The following ZNF654 variants were observed in gnomAD, a reference collection of about 807,000 sequenced individuals.
ZNF654 encodes zinc finger protein 654.
ZNF654 carries 19 observed loss-of-function variants against 95.3 expected under a neutral mutation model. That is an observed-to-expected ratio of 0.20 (90% CI 0.14 to 0.29). The LOEUF (loss-of-function observed/expected upper bound fraction) is 0.29, where lower values mean the gene tolerates loss of function less well. Ranked by LOEUF, ZNF654 falls within the 10% of genes least tolerant of loss-of-function variation. ZNF654 has a pLI of 1.00. For synonymous variants in ZNF654, 413 were observed against 457.9 expected (o/e 0.90, Z 1.25); for missense variants, 1,046 against 1,341.0 (o/e 0.78, Z 3.44).
rs1410433464 is a variant in ZNF654 at position 88,139,679 on chromosome 3, AGAT to A, written c.2012_2014del (p.Asp671del). The A allele has an allele frequency of 1.2e-6, 2 of 1,602,272 alleles. No individual in the cohort carries two copies. Among genetic ancestry groups the A allele is most frequent in the African/African-American group, 2.7e-5 (2 of 74,766 alleles). Reference sequence around the variant, plus strand: ...TTGAAATTCCCATAAGTGTACCAGAAGATGTTATTGAAAATGTTATTGAAAATG... The same window carrying A: ...TTGAAATTCCCATAAGTGTACCAGAAGTTATTGAAAATGTTATTGAAAATG... On this transcript the variant is annotated inframe_deletion, in exon 8 of 9. Transcript: ENST00000636215.
chr3:88,099,862 A>G (rs1338923468), intron 2 of ZNF654, among the ~76,000 whole-genome samples: 1 of 152,378 alleles, frequency 6.6e-6, no homozygotes, highest in East Asian at 1.9e-4. Context: ...ACCTAAAACC[A>G]TAAAAACCCT....
chr3:88,104,382 T>C (rs756736141), intron 2 of ZNF654, among the ~76,000 whole-genome samples: 8 of 152,230 alleles, frequency 5.3e-5, no homozygotes, highest in Non-Finnish European at 1.0e-4. Flanking sequence ...GTAGTGTCTC[T>C]GTAACTACTC....
intron 2 of ZNF654, among the ~76,000 whole-genome samples, chr3:88,107,852 A>G (rs1264895296): frequency 6.6e-6 from 1 of 152,126 alleles, no homozygotes; most frequent in Non-Finnish European, 1.5e-5. Flanking sequence ...TTTCAATGTC[A>G]TCATTTCTTA....
At chr3:88,138,104 A>AT (rs1706908754) in intron 7 of ZNF654, among the ~76,000 whole-genome samples, 1 of 152,148 alleles carries the variant, frequency 6.6e-6, no homozygotes, top group Admixed American at 6.6e-5. Flanking sequence ...CAGGGGGCTC[A>AT]TTATTCTGAG....
Position 88,059,337 on chromosome 3 carries a change from C to T in ZNF654, c.18C>T (p.Ser6=), listed in dbSNP as rs1706698384. Residue 6 remains serine, a synonymous_variant, in exon 1 of 9, where the codon AGC becomes AGT. Coordinates refer to ENST00000636215, the MANE Select transcript of ZNF654 (RefSeq NM_001350134.2). The stretch of plus-strand genomic sequence containing the variant: ...AGAGCCTCATGGCGGAGGAAGAGAG[C>T]GACCAAGAGGCCGAACGCCTCGGAG... MAEEE[S]DQEAERLGEE... The T allele has an allele frequency of 2.0e-6, 3 of 1,534,526 alleles. No homozygotes were observed. Among genetic ancestry groups the T allele is most frequent in the African/African-American group, 1.4e-5 (1 of 73,070 alleles).
intron 3 of ZNF654, among the ~76,000 whole-genome samples, chr3:88,119,669 T>G (rs779226473): frequency 2.0e-5 from 3 of 152,154 alleles, no homozygotes; most frequent in Non-Finnish European, 4.4e-5. Context: ...ATTTTATATT[T>G]ATTTCTTTGT....
At chr3:88,133,697 A>G (rs1235073082) in intron 6 of ZNF654, among the ~76,000 whole-genome samples, 1 of 152,116 alleles carries the variant, frequency 6.6e-6, no homozygotes, top group Non-Finnish European at 1.5e-5. Context: ...CCACATTTCT[A>G]TTGCTGTTAA....
rs549124663 is a variant in ZNF654 at position 88,066,980 on chromosome 3, GTTGAATTGT to G, written c.186+7476_186+7484del. Among the ~76,000 whole-genome samples the G allele has an allele frequency of 8.3e-3, 1,259 of 152,280 alleles. 10 individuals are homozygous for G. The highest frequency in any genetic ancestry group is 0.029 in the African/African-American group (1,218 of 41,552). ...TATGGCAAACTAAATTTGGGAGGAG[GTTGAATTGT>G]ATAATTTATGAAATCCTAAAGTCTA... is the stretch of plus-strand genomic sequence containing the variant. On this transcript the variant is annotated intron_variant, in intron 1 of 8. Coordinates refer to ENST00000636215, the MANE Select transcript of ZNF654 (RefSeq NM_001350134.2).
At chr3:88,076,011 G>C (rs1477925620) in intron 1 of ZNF654, among the ~76,000 whole-genome samples, 1 of 152,124 alleles carries the variant, frequency 6.6e-6, no homozygotes, top group Admixed American at 6.5e-5. Flanking sequence ...TGACTTTCTG[G>C]AGCACTTTTC....
At chr3:88,083,264 C>T (rs9835178) in intron 1 of ZNF654, among the ~76,000 whole-genome samples, 113,803 of 152,150 alleles carry the variant, frequency 0.75, 44,623 homozygotes, top group South Asian at 0.91. Context: ...TTTTAGTGTT[C>T]CTAAATGATT....
intron 2 of ZNF654, among the ~76,000 whole-genome samples, chr3:88,099,050 T>C (rs930169027): frequency 8.5e-5 from 13 of 152,220 alleles, no homozygotes; most frequent in African/African-American, 2.4e-4. Flanking sequence ...AAATTGTCCC[T>C]GTTTGCAGAT....
rs534572711 is a variant in ZNF654 at position 88,059,492 on chromosome 3, G to T, written c.173G>T (p.Arg58Leu). 6.7e-7 allele frequency: 1 copy of T among 1,497,044 alleles called. No individual in the cohort carries two copies. Among genetic ancestry groups the T allele is most frequent in the Non-Finnish European group, 8.8e-7 (1 of 1,130,556 alleles). The allele number at this position is 1,497,044 out of a possible 1,614,324, so 92.7% of individuals were successfully genotyped here. ...GVGISSRDYC[R>L]RFCQVVEDYA... ...GGAATCAGCAGTCGGGATTACTGCC[G>T]ACGCTTCTGTCAGGTGAGGCGTCCG... The change falls in exon 1 of 9, where the codon CGA (arginine) becomes CTA (leucine). Residue 58 changes from arginine to leucine, a missense_variant. Arg to Leu is a moderately radical substitution (Grantham distance 102). This residue lies in a region of ZNF654 where 91 missense variants were observed against 190.5 expected (regional missense o/e 0.48). Coordinates refer to ENST00000636215, the MANE Select transcript of ZNF654 (RefSeq NM_001350134.2).
At position 88,139,676 on chromosome 3, in the gene ZNF654, A is replaced by G. The variant is rs750094510; in HGVS notation, c.2007A>G (p.Pro669=). ...TCATTGAAATTCCCATAAGTGTACC[A>G]GAAGATGTTATTGAAAATGTTATTG... ...AEFIEIPISV[P]EDVIENVIEN... is the part of the protein sequence containing the mutation. The change falls in exon 8 of 9, where the codon CCA becomes CCG. Residue 669 remains proline, a synonymous_variant. Transcript: ENST00000636215. 1 of 1,603,990 alleles carries G rather than the reference A, an allele frequency of 6.2e-7. No homozygotes were observed. The highest frequency in any genetic ancestry group is 1.7e-5 in the Admixed American group (1 of 57,976).
rs1251548143 is a variant in ZNF654, at chr3:88,061,862, A to G, written c.186+2357A>G. On this transcript the variant is annotated intron_variant, in intron 1 of 8. Transcript: ENST00000636215. ...GCAATGGATATTGTGCAGTTGGGGTATGTGACAGTTAACTAAGTACATGAA... is the reference window on the plus strand; with the variant it reads ...GCAATGGATATTGTGCAGTTGGGGTGTGTGACAGTTAACTAAGTACATGAA... Among the ~76,000 whole-genome samples, 9 of 152,186 alleles carry G rather than the reference A, an allele frequency of 5.9e-5. No individual in the cohort carries two copies. In the East Asian group the frequency reaches 1.7e-3, roughly 29 times the overall value.
At chr3:88,062,366 C>G (rs1706932294) in intron 1 of ZNF654, among the ~76,000 whole-genome samples, 1 of 151,986 alleles carries the variant, frequency 6.6e-6, no homozygotes, top group South Asian at 2.1e-4. Context: ...AGTAAATCCT[C>G]AATTATAGAG....
chr3:88,065,723 A>T (rs901954853), intron 1 of ZNF654, among the ~76,000 whole-genome samples: 4 of 151,868 alleles, frequency 2.6e-5, no homozygotes, highest in African/African-American at 9.7e-5. Context: ...CAGATTGTTT[A>T]TTATTATTAT....
intron 3 of ZNF654, among the ~76,000 whole-genome samples, chr3:88,118,422 A>G (rs1299096722): frequency 6.6e-6 from 1 of 152,140 alleles, no homozygotes; most frequent in East Asian, 1.9e-4. Flanking sequence ...AAAGGAGTTG[A>G]AAAGCCCACC....
At chr3:88,084,209 A>G (rs1286282706) in intron 1 of ZNF654, among the ~76,000 whole-genome samples, 9 of 152,230 alleles carry the variant, frequency 5.9e-5, no homozygotes, top group Admixed American at 5.9e-4. Context: ...GAAGGAAGCT[A>G]TAATGAGAAC....
Position 88,140,792 on chromosome 3 carries a change from A to G in ZNF654, c.3123A>G (p.Leu1041=). Residue 1041 remains leucine (L), a synonymous_variant, in exon 8 of 9, where the codon TTA becomes TTG. Coordinates refer to ENST00000636215, the MANE Select transcript of ZNF654 (RefSeq NM_001350134.2). ...CAAGTGAACATACTTCATATGGCTT[A>G]ATTTTAACAAAACCATACGTCAGAC... ...NLTSEHTSYG[L]ILTKPYVRPL... is the part of the protein sequence containing the mutation. 3.7e-6 allele frequency: 6 copies of G among 1,613,748 alleles called. No individual in the cohort carries two copies. The highest frequency in any genetic ancestry group is 5.1e-6 in the Non-Finnish European group (6 of 1,179,722).
Sources: gnomAD v4.1 joint callset for allele counts (sites outside exome capture counted in the v4.1 genomes callset) on GRCh38, gnomAD v4.1.1 for gene constraint, gnomAD v4.1.1 regional missense constraint, MANE v1.5 for transcripts, NCBI Gene and HGNC (gene_info 2026-07-23, HGNC 2026-07-21) for gene names.